Variants in ABCA1 observed in about 807,000 individuals in gnomAD.
ABCA1 encodes ATP binding cassette subfamily A member 1.
ABCA1 carries 133 observed loss-of-function variants against 262.5 expected under a neutral mutation model. That is an observed-to-expected ratio of 0.51 (90% CI 0.44 to 0.59). ABCA1 has a LOEUF of 0.59. ABCA1 is among the 20% of genes least tolerant of loss of function. The probability of loss-of-function intolerance (pLI) is 0.00; values close to 1 mark genes in which losing one functional copy is unlikely to be tolerated. For missense variants in ABCA1, 2,452 were observed against 2,777.5 expected, an observed-to-expected ratio of 0.88 and a Z score of 2.63; for synonymous variants, 1,022 against 1,043.5, an observed-to-expected ratio of 0.98 and a Z score of 0.40.
chr9:104,816,954 T>C (rs1831830199), intron 24 of ABCA1, among the ~76,000 whole-genome samples: 1 of 151,924 alleles, frequency 6.6e-6, no homozygotes, highest in African/African-American at 2.4e-5. Context: ...CCAAGAAAAA[T>C]CTGGAAGGCT....
intron 7 of ABCA1, among the ~76,000 whole-genome samples, chr9:104,857,552 G>A (rs543467209): frequency 1.3e-5 from 2 of 152,226 alleles, no homozygotes; most frequent in East Asian, 3.9e-4. Flanking sequence ...CTTTTTGATG[G>A]TCAATCAAAG....
At chr9:104,825,640 G>T in intron 17 of ABCA1, 43 bp downstream of exon 17, 2 of 1,589,514 alleles carry the variant, frequency 1.3e-6, no homozygotes, top group Non-Finnish European at 1.7e-6. Context: ...AAGGACATCA[G>T]CTAGAAGTCA....
chr9:104,915,933 T>G (rs1841815104), intron 1 of ABCA1, among the ~76,000 whole-genome samples: 1 of 152,170 alleles, frequency 6.6e-6, no homozygotes, highest in Non-Finnish European at 1.5e-5. Flanking sequence ...TGCCCTTCTC[T>G]GCAGACTCCA....
At chr9:104,858,396 A>T in intron 7 of ABCA1, 126 bp downstream of exon 7, 1 of 1,071,508 alleles carries the variant, frequency 9.3e-7, no homozygotes, top group Non-Finnish European at 1.4e-6. Flanking sequence ...CCACTGAACT[A>T]AATTATATCA....
chr9:104,827,010 G>A lies in ABCA1; in HGVS notation c.2275C>T (p.Leu759=). The part of the protein sequence containing the change: ...CGGIIYFTLY[L]PYVLCVAWQD... Reference sequence around the variant, plus strand: ...CATGCCACACACAGGACGTAGGGCAGGTACAGCGTGAAGTAGATGATGCCC... The same window carrying A: ...CATGCCACACACAGGACGTAGGGCAAGTACAGCGTGAAGTAGATGATGCCC... The change falls in exon 16 of 50, where the codon CTG becomes TTG. Residue 759 remains leucine, a synonymous_variant. Transcript: ENST00000374736. 1 of 1,614,222 alleles carries A rather than the reference G, an allele frequency of 6.2e-7. No homozygotes were observed. Among genetic ancestry groups the A allele is most frequent in the Non-Finnish European group, 8.5e-7 (1 of 1,180,044 alleles).
intron 7 of ABCA1, 124 bp downstream of exon 7, chr9:104,858,398 A>G: frequency 9.2e-7 from 1 of 1,089,102 alleles, no homozygotes; most frequent in South Asian, 1.3e-5. Context: ...ACTGAACTAA[A>G]TTATATCACA....
chr9:104,860,755 C>CTTTT lies in ABCA1; in HGVS notation c.543+920_543+923dup, dbSNP rs762423202. ...TATTATTTCCTGATTTTATAAAATT[C>CTTTT]TTTTTTTTTTTTTTTTTTTGAGATG... is the stretch of plus-strand genomic sequence containing the variant. On this transcript the variant is annotated intron_variant, in intron 6 of 49. Coordinates refer to ENST00000374736, the MANE Select transcript of ABCA1 (RefSeq NM_005502.4). Among the ~76,000 whole-genome samples, 774 of 115,820 alleles carry CTTTT rather than the reference C, an allele frequency of 6.7e-3. 50 individuals carry two copies. Among genetic ancestry groups the CTTTT allele is most frequent in the African/African-American group, 0.024 (688 of 28,432 alleles). 76.0% of individuals were successfully genotyped at this position (115,820 alleles called of 152,430 possible).
At chr9:104,856,845 G>A (rs143858544) in intron 7 of ABCA1, among the ~76,000 whole-genome samples, 1 of 152,306 alleles carries the variant, frequency 6.6e-6, no homozygotes, top group African/African-American at 2.4e-5. Context: ...AAATGGTTTT[G>A]TAACAAAGTT....
At chr9:104,788,321 T>C (rs1829107619) in intron 45 of ABCA1, 105 bp downstream of exon 45, 2 of 1,465,652 alleles carry the variant, frequency 1.4e-6, no homozygotes, top group South Asian at 1.1e-5. Context: ...TGCTGCTGCA[T>C]TCATGAGGAA....
chr9:104,906,529 T>G (rs954204235), intron 1 of ABCA1, among the ~76,000 whole-genome samples: 3 of 152,038 alleles, frequency 2.0e-5, no homozygotes, highest in Non-Finnish European at 4.4e-5. Context: ...CTGGGCACAC[T>G]TAGGCAAGCT....
At position 104,837,587 on chromosome 9, in the gene ABCA1, CAA is replaced by C. The variant is rs757097634; in HGVS notation, c.1055-22_1055-21del. 73 of 1,613,344 alleles carry C rather than the reference CAA, an allele frequency of 4.5e-5. 1 individual carries two copies. The South Asian group carries it at 8.0e-4, about 18-fold the overall frequency. On this transcript the variant is annotated intron_variant, in intron 9 of 49. Coordinates refer to ENST00000374736, the MANE Select transcript of ABCA1 (RefSeq NM_005502.4). ...AAGGAGCTATGAAGAAGAGGAGAGACAAATGCTCATATGCATGGTCATATACT... is the reference window on the plus strand; with the variant it reads ...AAGGAGCTATGAAGAAGAGGAGAGACATGCTCATATGCATGGTCATATACT...
chr9:104,883,921 T>C (rs1479513653), intron 4 of ABCA1, among the ~76,000 whole-genome samples: 1 of 152,244 alleles, frequency 6.6e-6, no homozygotes, highest in Non-Finnish European at 1.5e-5. Flanking sequence ...GGCAGCATCC[T>C]GCTTTGCTCA....
chr9:104,799,885 T>C lies in ABCA1; in HGVS notation c.4877A>G (p.His1626Arg). Residue 1626 changes from histidine (H) to arginine (R), a missense_variant, in exon 36 of 50, where the codon CAT becomes CGT. His to Arg is a conservative substitution (Grantham distance 29). Around this residue, in one of 4 missense-constraint regions of ABCA1, gnomAD observed 752 missense variants for 944.5 expected, o/e 0.80. Transcript: ENST00000374736. Reference protein sequence around the residue: ...ANLQKGENPSHYGITAFNHPL... With the variant: ...ANLQKGENPSRYGITAFNHPL... The stretch of plus-strand genomic sequence containing the variant: ...ATGATTGAAAGCAGTAATTCCATAA[T>C]GGCTAGGGTTCTCTCCCTTTTGCAG... The C allele has an allele frequency of 1.2e-6, 2 of 1,614,192 alleles. No homozygotes were observed. Among genetic ancestry groups the C allele is most frequent in the South Asian group, 1.1e-5 (1 of 91,082 alleles).
chr9:104,788,312 G>A (rs1829106195), intron 45 of ABCA1, 114 bp downstream of exon 45: 1 of 1,403,526 alleles, frequency 7.1e-7, no homozygotes, highest in Non-Finnish European at 9.9e-7. Flanking sequence ...AGCATTTTGT[G>A]CTGCTGCATT....
intron 29 of ABCA1, 136 bp downstream of exon 29, chr9:104,810,664 G>T: frequency 7.3e-7 from 1 of 1,373,758 alleles, no homozygotes; most frequent in Admixed American, 1.7e-5. Flanking sequence ...TGCAGTATTA[G>T]CTTATACAGG....
rs1465872614 is a variant in ABCA1 at position 104,836,886 on chromosome 9, A to C, written c.1311+94T>G. Reference sequence around the variant, plus strand: ...CATTCCCCCAGCTAGATAAACTGAAAGAATTCTCACCTCACTCACACCTGG... The same window carrying C: ...CATTCCCCCAGCTAGATAAACTGAACGAATTCTCACCTCACTCACACCTGG... On this transcript the variant is annotated intron_variant, in intron 11 of 49. Transcript: ENST00000374736. The C allele has an allele frequency of 8.9e-6, 9 of 1,008,852 alleles. No individual in the cohort carries two copies. The Admixed American group carries it at 1.5e-4, about 17-fold the overall frequency. The allele number at this position is 1,008,852 out of a possible 1,614,324, so 62.5% of individuals were successfully genotyped here.
chr9:104,881,503 G>T (rs1838651661), intron 5 of ABCA1, among the ~76,000 whole-genome samples: 1 of 152,142 alleles, frequency 6.6e-6, no homozygotes, highest in South Asian at 2.1e-4. Context: ...TATTCACTAA[G>T]TGCTTCCTAT....
intron 6 of ABCA1, among the ~76,000 whole-genome samples, chr9:104,860,755 C>CTTT (rs762423202): frequency 0.015 from 1,716 of 115,818 alleles, 116 homozygotes; most frequent in African/African-American, 0.047. Flanking sequence ...TTATAAAATT[C>CTTT]TTTTTTTTTT....
intron 14 of ABCA1, among the ~76,000 whole-genome samples, chr9:104,829,344 G>A (rs1268546305): frequency 6.6e-6 from 1 of 152,188 alleles, no homozygotes. Context: ...ACAAAGTGTT[G>A]CCAAACCAAA....
Sources: gnomAD v4.1 joint callset for allele counts (sites outside exome capture counted in the v4.1 genomes callset) on GRCh38, gnomAD v4.1.1 for gene constraint, gnomAD v4.1.1 regional missense constraint, MANE v1.5 for transcripts, NCBI Gene and HGNC (gene_info 2026-07-23, HGNC 2026-07-21) for gene names.